CLMN: variants seen among roughly 807,000 people sequenced by gnomAD.
CLMN encodes the protein calmin.
CLMN carries 57 observed loss-of-function variants against 92.7 expected under a neutral mutation model. The observed-to-expected ratio is 0.61, with a 90% CI of 0.50 to 0.77. CLMN has a LOEUF of 0.77. Ranked by LOEUF, CLMN falls within the 30% of genes least tolerant of loss-of-function variation. The pLI is 0.00. For synonymous variants in CLMN, 466 were observed against 470.6 expected (o/e 0.99, Z 0.13); for missense variants, 1,158 against 1,237.5 (o/e 0.94, Z 0.96).
In CLMN at chr14:95,250,081, G is replaced by A. The variant is rs536817587; in HGVS notation, c.83-19948C>T. 3.3e-5 allele frequency among the ~76,000 whole-genome samples: 5 copies of A among 152,234 alleles called. No individual in the cohort carries two copies. The South Asian group carries it at 8.3e-4, about 25-fold the overall frequency. ...AGGTGCGAAGCTGGATTACACAACC[G>A]CCACTGCTAAGAATGACTGAGCAGT... is the stretch of plus-strand genomic sequence containing the variant. On this transcript the variant is annotated intron_variant, in intron 1 of 12. Coordinates refer to ENST00000298912, the MANE Select transcript of CLMN (RefSeq NM_024734.4).
chr14:95,220,168 C>T (rs1313572233), intron 4 of CLMN, among the ~76,000 whole-genome samples: 56 of 85,470 alleles, frequency 6.6e-4, no homozygotes, highest in South Asian at 1.4e-3. Context: ...TGGATAGGTC[C>T]CTTTTTTTTT....
chr14:95,218,470 T>C (rs1426927513), intron 4 of CLMN, among the ~76,000 whole-genome samples: 2 of 152,216 alleles, frequency 1.3e-5, no homozygotes, highest in Non-Finnish European at 2.9e-5. Flanking sequence ...TAACGGCATC[T>C]GAATCCCTGA....
Position 95,203,743 on chromosome 14 carries a change from C to T in CLMN, c.1606G>A (p.Asp536Asn), listed in dbSNP as rs143034500. 384 of 1,614,106 alleles carry T rather than the reference C, an allele frequency of 2.4e-4. No individual in the cohort carries two copies. Among genetic ancestry groups the T allele is most frequent in the Middle Eastern group, 1.5e-3 (9 of 6,062 alleles). The change falls in exon 9 of 13, where the codon GAT (aspartate) becomes AAT (asparagine). Residue 536 changes from aspartate (D) to asparagine (N), a missense_variant. By Grantham distance (23) the Asp-to-Asn change is conservative. Coordinates refer to ENST00000298912, the MANE Select transcript of CLMN (RefSeq NM_024734.4). ...AGGTTAACCTTGATCTGGAAGGAATCGGCCATCACAGTATTTTCTCCTGGG... is the reference window on the plus strand; with the variant it reads ...AGGTTAACCTTGATCTGGAAGGAATTGGCCATCACAGTATTTTCTCCTGGG... ...SPPGENTVMA[D>N]SFQIKVNLMT...
Position 95,295,698 on chromosome 14 carries a change from G to A in CLMN, c.82+24013C>T, listed in dbSNP as rs538596007. On this transcript the variant is annotated intron_variant, in intron 1 of 12. Transcript: ENST00000298912. ...GGACAAAGGTCAGTGTTCTCATGTTGACCAAAGGACCAGGCCACTTAAAGT... is the reference window on the plus strand; with the variant it reads ...GGACAAAGGTCAGTGTTCTCATGTTAACCAAAGGACCAGGCCACTTAAAGT... Among the ~76,000 whole-genome samples the A allele has an allele frequency of 8.3e-4, 126 of 152,338 alleles. 1 individual carries two copies. The South Asian group carries it at 0.012, about 14-fold the overall frequency.
intron 1 of CLMN, among the ~76,000 whole-genome samples, chr14:95,277,753 G>T (rs1258464042): frequency 6.6e-6 from 1 of 152,136 alleles, no homozygotes; most frequent in African/African-American, 2.4e-5. Flanking sequence ...TCAGCCTCCA[G>T]AGTAGCTGGG....
chr14:95,235,121 T>TCACA (rs140586255), intron 1 of CLMN, among the ~76,000 whole-genome samples: 131 of 150,812 alleles, frequency 8.7e-4, no homozygotes, highest in Middle Eastern at 3.4e-3. Flanking sequence ...TCTCTCTCTC[T>TCACA]CACACACACA....
At chr14:95,205,697 T>C (rs1355277612) in intron 8 of CLMN, among the ~76,000 whole-genome samples, 2 of 152,020 alleles carry the variant, frequency 1.3e-5, no homozygotes, top group Admixed American at 1.3e-4. Flanking sequence ...ATATAAAATA[T>C]ATACAAATAT....
chr14:95,266,163 T>C (rs766814855), intron 1 of CLMN, among the ~76,000 whole-genome samples: 1 of 152,248 alleles, frequency 6.6e-6, no homozygotes, highest in Admixed American at 6.5e-5. Context: ...ATGTCCACTG[T>C]CATTACTTTT....
chr14:95,279,156 A>G (rs1313813157), intron 1 of CLMN, among the ~76,000 whole-genome samples: 4 of 152,236 alleles, frequency 2.6e-5, no homozygotes, highest in Admixed American at 6.5e-5. Flanking sequence ...TTTGTCAGAA[A>G]AATAAAAACT....
rs946349313 is a variant in CLMN, at chr14:95,189,910, C to T, written c.*1654G>A. On this transcript the variant is annotated 3_prime_UTR_variant, in exon 13 of 13. Transcript: ENST00000298912. ...TTAGAGGCCAGATTTTGGCTGTCAT[C>T]GACTCAGATGTGCTATGTAAATTCT... 2 of 152,130 alleles carry T rather than the reference C, an allele frequency of 1.3e-5. No homozygotes were observed. Among genetic ancestry groups the T allele is most frequent in the African/African-American group, 2.4e-5 (1 of 41,410 alleles). The allele number at this position is 152,130 out of a possible 1,614,324, so 9.4% of individuals were successfully genotyped here. A position where few individuals can be genotyped will look rare whatever the true frequency, so the allele number is the denominator to read the frequency against.
At position 95,203,572 on chromosome 14, in the gene CLMN, C is replaced by T. The variant is rs182308272; in HGVS notation, c.1777G>A (p.Glu593Lys). 7.4e-6 allele frequency: 12 copies of T among 1,614,186 alleles called. No individual in the cohort carries two copies. The highest frequency in any genetic ancestry group is 4.5e-5 in the East Asian group (2 of 44,886). ...VPSPHETKPD[E>K]DAEAFENHAE... is the part of the protein sequence containing the mutation. Reference sequence around the variant, plus strand: ...TGATTCTCAAAAGCCTCAGCATCCTCGTCAGGTTTTGTCTCATGAGGTGAA... The same window carrying T: ...TGATTCTCAAAAGCCTCAGCATCCTTGTCAGGTTTTGTCTCATGAGGTGAA... The change falls in exon 9 of 13, where the codon GAG (glutamate) becomes AAG (lysine). Residue 593 changes from glutamate (E) to lysine (K), a missense_variant. Glu to Lys is a moderately conservative substitution (Grantham distance 56, BLOSUM62 1). Coordinates refer to ENST00000298912, the MANE Select transcript of CLMN (RefSeq NM_024734.4).
intron 9 of CLMN, among the ~76,000 whole-genome samples, chr14:95,200,124 T>C (rs1896835124): frequency 6.6e-6 from 1 of 152,058 alleles, no homozygotes; most frequent in Non-Finnish European, 1.5e-5. Context: ...CTTTCCCACC[T>C]GGCTCCTGCA....
At chr14:95,257,304 C>A (rs765593259) in intron 1 of CLMN, among the ~76,000 whole-genome samples, 1 of 152,206 alleles carries the variant, frequency 6.6e-6, no homozygotes, top group Non-Finnish European at 1.5e-5. Context: ...TGTTTTTATT[C>A]ATTTCCCTCT....
At chr14:95,287,874 T>G (rs549678553) in intron 1 of CLMN, among the ~76,000 whole-genome samples, 2 of 152,298 alleles carry the variant, frequency 1.3e-5, no homozygotes, top group East Asian at 1.9e-4. Context: ...TCCCTCCCTG[T>G]GCTCTCAACC....
At chr14:95,291,883 G>A (rs1900581178) in intron 1 of CLMN, among the ~76,000 whole-genome samples, 1 of 152,160 alleles carries the variant, frequency 6.6e-6, no homozygotes, top group South Asian at 2.1e-4. Flanking sequence ...TTAAAACATG[G>A]GAAAATTCTG....
chr14:95,214,729 G>A (rs1462096566), intron 5 of CLMN, among the ~76,000 whole-genome samples: 2 of 150,260 alleles, frequency 1.3e-5, no homozygotes, highest in Admixed American at 1.3e-4. Context: ...GAGGCTCTGA[G>A]AGAGACAGTA....
At position 95,194,664 on chromosome 14, in the gene CLMN, C is replaced by A; in HGVS notation, c.2709-68G>T. The A allele has an allele frequency of 6.8e-7, 1 of 1,477,592 alleles. No homozygotes were observed. Among genetic ancestry groups the A allele is most frequent in the Non-Finnish European group, 9.5e-7 (1 of 1,055,964 alleles). The allele number at this position is 1,477,592 out of a possible 1,614,324, so 91.5% of individuals were successfully genotyped here. ...TCTTCATGGCTCAGTTGTACGGTCA[C>A]CCCCATCCTGGGGTTTCCACGTATG... On this transcript the variant is annotated intron_variant, in intron 10 of 12. Transcript: ENST00000298912. The surrounding 1 kb of genome is among the most constrained non-coding windows in gnomAD (Gnocchi z 4.0).
At position 95,256,241 on chromosome 14, in the gene CLMN, T is replaced by C. The variant is rs1415236409; in HGVS notation, c.83-26108A>G. Among the ~76,000 whole-genome samples the C allele has an allele frequency of 6.6e-6, 1 of 152,198 alleles. No homozygotes were observed. The highest frequency in any genetic ancestry group is 1.5e-5 in the Non-Finnish European group (1 of 68,028). On this transcript the variant is annotated intron_variant, in intron 1 of 12. Coordinates refer to ENST00000298912, the MANE Select transcript of CLMN (RefSeq NM_024734.4). This position sits in a 1 kb window ranked among gnomAD's most constrained non-coding sequence, Gnocchi z 4.9. ...CCGCCACCCACTCCTCGGCACCCAG[T>C]TGGGAAGGACTTCACAGCACTCCCT...
chr14:95,304,049 C>T (rs1006432754), intron 1 of CLMN, among the ~76,000 whole-genome samples: 24 of 152,268 alleles, frequency 1.6e-4, no homozygotes, highest in African/African-American at 5.8e-4. Context: ...AAGAAATCTA[C>T]ATCTTCAGCC....
Sources: gnomAD v4.1 joint callset for allele counts (sites outside exome capture counted in the v4.1 genomes callset) on GRCh38, gnomAD v4.1.1 for gene constraint, Gnocchi (gnomAD v3.1) non-coding constraint, MANE v1.5 for transcripts, NCBI Gene and HGNC (gene_info 2026-07-23, HGNC 2026-07-21) for gene names.